The following PICALM variants were observed in gnomAD, a reference collection of about 807,000 sequenced individuals.
The protein encoded by PICALM is phosphatidylinositol-binding clathrin assembly protein.
In PICALM, 40 loss-of-function variants were observed where a neutral mutation model predicts 80.5. The ratio of observed to expected loss-of-function variants is 0.50; its 90% CI spans 0.39 to 0.65. The LOEUF is 0.65. Among genes scored for constraint, PICALM ranks in the 30% least tolerant of loss-of-function variants. The pLI is 0.00. For synonymous variants in PICALM, 288 were observed against 260.3 expected, an observed-to-expected ratio of 1.11 and a Z score of -1.02; for missense variants, 676 against 778.9, an observed-to-expected ratio of 0.87 and a Z score of 1.57.
Position 86,026,274 on chromosome 11 carries a change from T to G in PICALM, c.349+18A>C. On this transcript the variant is annotated intron_variant, in intron 3 of 19. Transcript: ENST00000393346. Reference sequence around the variant, plus strand: ...GTGTCATTCTTTTGATTTTCTATAATGTAAAAGTTATCTTTACCTTGCAAT... The same window carrying G: ...GTGTCATTCTTTTGATTTTCTATAAGGTAAAAGTTATCTTTACCTTGCAAT... The G allele has an allele frequency of 7.2e-7, 1 of 1,387,050 alleles. No individual in the cohort carries two copies. The highest frequency in any genetic ancestry group is 1.0e-6 in the Non-Finnish European group (1 of 977,852). The allele number at this position is 1,387,050 out of a possible 1,614,324, so 85.9% of individuals were successfully genotyped here.
intron 1 of PICALM, among the ~76,000 whole-genome samples, chr11:86,065,033 T>A (rs892553373): frequency 2.0e-5 from 3 of 152,110 alleles, no homozygotes; most frequent in African/African-American, 7.2e-5. Flanking sequence ...CAGTGAGCCA[T>A]GATCCTGCCA....
chr11:85,959,673 G>A lies in PICALM; in HGVS notation c.1945-613C>T, dbSNP rs144649833. On this transcript the variant is annotated intron_variant, in intron 19 of 19. Transcript: ENST00000393346. ...AAAAAAAAAGCTCATTGGAACTCCT[G>A]GGCTCAAGCAACCCTCCTGCCTCAG... is the stretch of plus-strand genomic sequence containing the variant. Among the ~76,000 whole-genome samples, 649 of 139,006 alleles carry A rather than the reference G, an allele frequency of 4.7e-3. 2 individuals carry two copies. The highest frequency in any genetic ancestry group is 0.017 in the African/African-American group (623 of 37,080). The allele number at this position is 139,006 out of a possible 152,430, so 91.2% of individuals were successfully genotyped here. A position where few individuals can be genotyped will look rare whatever the true frequency, so the allele number is the denominator to read the frequency against.
At chr11:86,038,479 AC>A (rs149522457) in intron 1 of PICALM, among the ~76,000 whole-genome samples, 244 of 152,204 alleles carry the variant, frequency 1.6e-3, no homozygotes, top group African/African-American at 5.5e-3. Context: ...CAGACCCCAC[AC>A]CCAAAGTAAG....
At chr11:85,992,279 G>A (rs1264210852) in intron 12 of PICALM, among the ~76,000 whole-genome samples, 2 of 124,938 alleles carry the variant, frequency 1.6e-5, no homozygotes, top group Middle Eastern at 4.1e-3. Flanking sequence ...TTCTGGGTGT[G>A]TTTTGTTTTT....
intron 19 of PICALM, among the ~76,000 whole-genome samples, chr11:85,967,228 T>C (rs1321797498): frequency 6.6e-6 from 1 of 152,204 alleles, no homozygotes. Flanking sequence ...TTCTAGTAAA[T>C]GTGAGACAAT....
chr11:85,978,563 T>A (rs888209397), intron 17 of PICALM: 2 of 152,108 alleles, frequency 1.3e-5, no homozygotes, highest in Non-Finnish European at 2.9e-5. Context: ...GTTAGAAATG[T>A]AAAGAAATGT....
chr11:86,012,935 A>G (rs1361932280), intron 5 of PICALM, among the ~76,000 whole-genome samples: 4 of 152,220 alleles, frequency 2.6e-5, no homozygotes, highest in Non-Finnish European at 4.4e-5. Context: ...AGGTAAATTA[A>G]AATACAATAA....
chr11:86,052,537 C>G (rs1376742571), intron 1 of PICALM, among the ~76,000 whole-genome samples: 2 of 152,170 alleles, frequency 1.3e-5, no homozygotes, highest in Admixed American at 1.3e-4. Context: ...TCTAGAGACT[C>G]GGAAATCCCC....
intron 19 of PICALM, among the ~76,000 whole-genome samples, chr11:85,968,057 G>A (rs1007671934): frequency 6.6e-6 from 1 of 152,200 alleles, no homozygotes; most frequent in Non-Finnish European, 1.5e-5. Flanking sequence ...AACTTGGCCA[G>A]GAGCAGTGGC....
Position 85,985,344 on chromosome 11 carries a change from C to G in PICALM, c.1409-1371G>C, listed in dbSNP as rs565415644. On this transcript the variant is annotated intron_variant, in intron 13 of 19. Transcript: ENST00000393346. ...AATTTATTATTAGCAAAGAACCATA[C>G]AAGCTGATCCACACTAATGATACTA... Among the ~76,000 whole-genome samples, 93 of 152,224 alleles carry G rather than the reference C, an allele frequency of 6.1e-4. 2 individuals carry two copies. The highest frequency in any genetic ancestry group is 2.0e-3 in the African/African-American group (85 of 41,550).
intron 19 of PICALM, among the ~76,000 whole-genome samples, chr11:85,965,802 A>ATTTTTTTTTTTTTTT (rs1202220050): frequency 2.8e-5 from 3 of 105,756 alleles, no homozygotes; most frequent in African/African-American, 1.1e-4. Flanking sequence ...TGCATTACCC[A>ATTTTTTTTTTTTTTT]TTTTGTTTTT....
intron 1 of PICALM, among the ~76,000 whole-genome samples, chr11:86,041,495 T>A (rs2095967079): frequency 6.6e-6 from 1 of 152,120 alleles, no homozygotes; most frequent in Non-Finnish European, 1.5e-5. Context: ...GACATCCTTT[T>A]TATTTGTGGC....
intron 19 of PICALM, 26 bp downstream of exon 19, chr11:85,974,682 C>G: frequency 7.2e-7 from 1 of 1,385,282 alleles, no homozygotes; most frequent in South Asian, 1.2e-5. Context: ...AAACACATTA[C>G]CACAGTTACA....
At chr11:85,975,440 T>C (rs2135568025) in intron 18 of PICALM, among the ~76,000 whole-genome samples, 1 of 152,198 alleles carries the variant, frequency 6.6e-6, no homozygotes, top group East Asian at 1.9e-4. Flanking sequence ...CAATACCTAG[T>C]GTAAAAATAA....
At chr11:86,009,182 A>G (rs1276379822) in intron 7 of PICALM, among the ~76,000 whole-genome samples, 1 of 148,616 alleles carries the variant, frequency 6.7e-6, no homozygotes, top group African/African-American at 2.5e-5. Flanking sequence ...AATCCCAGCT[A>G]CCCAGGAAGC....
intron 1 of PICALM, 71 bp downstream of exon 1, chr11:86,068,578 AAG>A (rs1185867105): frequency 1.3e-3 from 1,817 of 1,409,626 alleles, no homozygotes; most frequent in Admixed American, 1.4e-3. Context: ...GGTGAAAGAC[AAG>A]AGAGAGAGAG....
At chr11:86,000,969 G>C in intron 10 of PICALM, 66 bp downstream of exon 10, 1 of 1,581,094 alleles carries the variant, frequency 6.3e-7, no homozygotes, top group Non-Finnish European at 8.6e-7. Context: ...AGTCTGTGCA[G>C]AGGCCCCATT....
chr11:86,044,650 C>G (rs1161759478), intron 1 of PICALM, among the ~76,000 whole-genome samples: 1 of 152,212 alleles, frequency 6.6e-6, no homozygotes, highest in African/African-American at 2.4e-5. Context: ...TCCCAACCCC[C>G]AGGCCGTGGA....
chr11:86,068,389 A>G (rs2096477378), intron 1 of PICALM, among the ~76,000 whole-genome samples: 2 of 152,080 alleles, frequency 1.3e-5, no homozygotes, highest in South Asian at 4.1e-4. Context: ...GGGGTGTGGT[A>G]GCGCACCGGG....
Sources: gnomAD v4.1 joint callset for allele counts (sites outside exome capture counted in the v4.1 genomes callset) on GRCh38, gnomAD v4.1.1 for gene constraint, MANE v1.5 for transcripts, NCBI Gene and HGNC (gene_info 2026-07-23, HGNC 2026-07-21) for gene names.